The following FMN1 variants were observed in gnomAD, a reference collection of about 807,000 sequenced individuals.
FMN1 encodes formin 1.
A neutral mutation model predicts 132.4 loss-of-function variants in FMN1; 110 were observed. The ratio of observed to expected loss-of-function variants is 0.83; its 90% CI spans 0.71 to 0.97. The LOEUF is 0.97. Among genes scored for constraint, FMN1 ranks in the 50% least tolerant of loss-of-function variants. The probability of loss-of-function intolerance (pLI) is 0.00; values close to 1 mark genes in which losing one functional copy is unlikely to be tolerated. For missense variants in FMN1, 1,792 were observed against 1,705.3 expected (o/e 1.05, Z -0.90); for synonymous variants, 722 against 651.7 (o/e 1.11, Z -1.64).
At chr15:32,816,402 A>T (rs17228801) in intron 17 of FMN1, among the ~76,000 whole-genome samples, 1,810 of 152,348 alleles carry the variant, frequency 0.012, 15 homozygotes, top group Non-Finnish European at 0.019. Flanking sequence ...TCCATAAAAG[A>T]GTCAGAAGGT....
At position 33,024,670 on chromosome 15, in the gene FMN1, T is replaced by TAC. The variant is rs2035584035; in HGVS notation, c.2162-16597_2162-16596dup. On this transcript the variant is annotated intron_variant, in intron 6 of 20. Transcript: ENST00000616417. ...CTTTAGAGAACATTTTGACAATATCTACCAAATGTAAAGGCGCACATAAGT... is the reference window on the plus strand; with the variant it reads ...CTTTAGAGAACATTTTGACAATATCTACACCAAATGTAAAGGCGCACATAAGT... Among the ~76,000 whole-genome samples, 3 of 152,300 alleles carry TAC rather than the reference T, an allele frequency of 2.0e-5. No individual in the cohort carries two copies. The East Asian group carries it at 5.8e-4, about 29-fold the overall frequency.
intron 8 of FMN1, among the ~76,000 whole-genome samples, chr15:32,964,592 T>C (rs960131749): frequency 6.6e-6 from 1 of 152,152 alleles, no homozygotes; most frequent in African/African-American, 2.4e-5. Context: ...CTGTGGCATT[T>C]CCATGATGTG....
chr15:32,968,436 G>A (rs768316789), intron 8 of FMN1, among the ~76,000 whole-genome samples: 6 of 152,084 alleles, frequency 3.9e-5, no homozygotes, highest in African/African-American at 9.7e-5. Flanking sequence ...GCTTAGATCC[G>A]GACTCTTGTC....
chr15:32,994,171 C>T (rs1358950940), intron 7 of FMN1, among the ~76,000 whole-genome samples: 4 of 150,446 alleles, frequency 2.7e-5, no homozygotes, highest in South Asian at 2.1e-4. Context: ...TGAATATATC[C>T]GAGTATGTTA....
intron 16 of FMN1, among the ~76,000 whole-genome samples, chr15:32,887,918 A>G (rs2059933176): frequency 6.6e-6 from 1 of 152,184 alleles, no homozygotes; most frequent in Non-Finnish European, 1.5e-5. Flanking sequence ...TATAACTACT[A>G]AATGTTAGAA....
intron 16 of FMN1, among the ~76,000 whole-genome samples, chr15:32,886,714 T>C (rs1203998008): frequency 6.6e-6 from 1 of 152,154 alleles, no homozygotes; most frequent in Non-Finnish European, 1.5e-5. Flanking sequence ...GGAATGGGCA[T>C]TCAGGAACAG....
At chr15:33,123,610 A>C (rs1962771847) in intron 4 of FMN1, among the ~76,000 whole-genome samples, 1 of 152,178 alleles carries the variant, frequency 6.6e-6, no homozygotes, top group African/African-American at 2.4e-5. Flanking sequence ...TACAGGTTAT[A>C]TAGTGAGGGT....
At position 33,046,553 on chromosome 15, in the gene FMN1, C is replaced by A. The variant is rs190807914; in HGVS notation, c.2161+18404G>T. On this transcript the variant is annotated intron_variant, in intron 6 of 20. Transcript: ENST00000616417. ...AAAATGCTAATTTGGTTACTCTATG[C>A]AACCCCTTGGTCAGCAACTTGCAAA... 8.2e-4 allele frequency among the ~76,000 whole-genome samples: 125 copies of A among 152,294 alleles called. 2 individuals are homozygous for A. In the South Asian group the frequency reaches 0.021, roughly 25 times the overall value.
intron 5 of FMN1, among the ~76,000 whole-genome samples, chr15:33,075,683 T>C (rs1214976338): frequency 6.6e-6 from 1 of 152,046 alleles, no homozygotes; most frequent in African/African-American, 2.4e-5. Context: ...AAAAAAAAAA[T>C]CCATGAATTT....
At chr15:32,897,899 A>G (rs565768852) in intron 15 of FMN1, among the ~76,000 whole-genome samples, 2 of 152,348 alleles carry the variant, frequency 1.3e-5, no homozygotes, top group Non-Finnish European at 2.9e-5. Flanking sequence ...GAGTAGCCAG[A>G]GAAGGACAAG....
At chr15:32,775,473 G>A (rs1471735600) in intron 20 of FMN1, among the ~76,000 whole-genome samples, 3 of 152,166 alleles carry the variant, frequency 2.0e-5, no homozygotes, top group African/African-American at 7.2e-5. Flanking sequence ...GTAAAAGTCT[G>A]GATAGAGGCC....
chr15:33,152,949 G>T, intron 4 of FMN1, 99 bp downstream of exon 4: 1 of 1,194,764 alleles, frequency 8.4e-7, no homozygotes, highest in Non-Finnish European at 1.1e-6. Flanking sequence ...TAGGAATTTT[G>T]GTCCATTGTT....
chr15:33,178,246 G>A lies in FMN1; in HGVS notation c.-132+1952C>T, dbSNP rs770417046. Among the ~76,000 whole-genome samples the A allele has an allele frequency of 3.6e-4, 55 of 152,150 alleles. 1 individual carries two copies. Among genetic ancestry groups the A allele is most frequent in the Admixed American group, 3.9e-4 (6 of 15,274 alleles). On this transcript the variant is annotated intron_variant, in intron 3 of 20. Coordinates refer to ENST00000616417, the MANE Select transcript of FMN1 (RefSeq NM_001277313.2). ...AAATGAGACCCAGGACACAGTCACC[G>A]CTTCACTCCAGCACTTCCAAGGTTT...
chr15:32,903,068 T>C (rs1231187665), intron 12 of FMN1, among the ~76,000 whole-genome samples: 2 of 152,260 alleles, frequency 1.3e-5, no homozygotes, highest in Non-Finnish European at 2.9e-5. Context: ...TCTTTGCTTA[T>C]ACACCCTGTG....
intron 9 of FMN1, among the ~76,000 whole-genome samples, chr15:32,936,223 T>C (rs919697728): frequency 6.6e-6 from 1 of 152,216 alleles, no homozygotes; most frequent in African/African-American, 2.4e-5. Context: ...GTCTTTAGGA[T>C]TGGTTTGATT....
At chr15:33,062,788 A>T (rs1452157262) in intron 6 of FMN1, 3 of 152,198 alleles carry the variant, frequency 2.0e-5, no homozygotes, top group Non-Finnish European at 4.4e-5. Context: ...TTTTCTGGAT[A>T]TCTTCAAATT....
chr15:33,006,642 T>C (rs1471352607), intron 7 of FMN1, among the ~76,000 whole-genome samples: 2 of 152,162 alleles, frequency 1.3e-5, no homozygotes, highest in Non-Finnish European at 2.9e-5. Context: ...CAACGTTGAG[T>C]GTCCATCAAT....
intron 4 of FMN1, among the ~76,000 whole-genome samples, chr15:33,116,056 G>A (rs774040756): frequency 2.0e-5 from 3 of 152,136 alleles, no homozygotes; most frequent in Non-Finnish European, 2.9e-5. Flanking sequence ...GGTATATCCA[G>A]AAAGACTATA....
At chr15:32,861,794 A>G (rs192100784) in intron 16 of FMN1, among the ~76,000 whole-genome samples, 3 of 152,332 alleles carry the variant, frequency 2.0e-5, no homozygotes, top group South Asian at 2.1e-4. Context: ...TCCACCACCC[A>G]TTGTGAGAAT....
Sources: allele counts gnomAD v4.1 joint callset (sites outside exome capture counted in the v4.1 genomes callset), GRCh38; gene constraint gnomAD v4.1.1; transcripts MANE v1.5; gene names NCBI Gene and HGNC (gene_info 2026-07-23, HGNC 2026-07-21).